The following STARD10 variants were observed in gnomAD, a reference collection of about 807,000 sequenced individuals.
STARD10 encodes START domain-containing protein 10.
A neutral mutation model predicts 36.0 loss-of-function variants in STARD10; 24 were observed. The observed-to-expected ratio is 0.67, with a 90% CI of 0.48 to 0.94. The LOEUF (loss-of-function observed/expected upper bound fraction) is 0.94, where lower values mean the gene tolerates loss of function less well. Among genes scored for constraint, STARD10 ranks in the 40% least tolerant of loss-of-function variants. The pLI is 0.00. For synonymous variants in STARD10, 156 were observed against 161.9 expected (o/e 0.96, Z 0.28); for missense variants, 335 against 396.6 (o/e 0.84, Z 1.32).
intron 4 of STARD10, 23 bp from the exon 5 acceptor site, chr11:72,757,907 G>T: frequency 6.2e-7 from 1 of 1,606,020 alleles, no homozygotes; most frequent in Non-Finnish European, 8.5e-7. Flanking sequence ...GGCACAGGGA[G>T]GTGAGACTCG....
At chr11:72,756,468 G>T (rs553039849) in intron 5 of STARD10, among the ~76,000 whole-genome samples, 15 of 152,108 alleles carry the variant, frequency 9.9e-5, no homozygotes, top group Admixed American at 9.8e-4. Context: ...ACTCACTGGG[G>T]GCCCAACAGG....
chr11:72,760,248 C>T (rs553578224), intron 2 of STARD10, among the ~76,000 whole-genome samples: 14 of 141,326 alleles, frequency 9.9e-5, no homozygotes, highest in Admixed American at 2.1e-4. Context: ...TTTATTGAGA[C>T]GGAGTTTTGC....
At chr11:72,780,805 T>C in intron 2 of STARD10, 170 bp downstream of exon 2, 1 of 691,280 alleles carries the variant, frequency 1.4e-6, no homozygotes, top group Non-Finnish European at 2.5e-6. Flanking sequence ...GGCCCATCTG[T>C]GTGATGGGGC....
At chr11:72,767,892 T>C (rs673377) in intron 2 of STARD10, among the ~76,000 whole-genome samples, 31,675 of 152,100 alleles carry the variant, frequency 0.21, 5,906 homozygotes, top group African/African-American at 0.5. Flanking sequence ...TTAGATGAGA[T>C]TGGTCCCTAA....
chr11:72,763,635 CAGAG>C (rs1344730152), intron 2 of STARD10, among the ~76,000 whole-genome samples: 4 of 152,060 alleles, frequency 2.6e-5, no homozygotes, highest in South Asian at 2.1e-4. Context: ...ATGACAGTCA[CAGAG>C]AGAACTACAT....
chr11:72,773,728 C>A (rs1051262545), intron 2 of STARD10, among the ~76,000 whole-genome samples: 1 of 152,320 alleles, frequency 6.6e-6, no homozygotes, highest in South Asian at 2.1e-4. Flanking sequence ...GCTCCACACA[C>A]GAAGGCCCCA....
intron 1 of STARD10, chr11:72,783,404 G>A (rs1396893189): frequency 1.3e-5 from 2 of 152,190 alleles, no homozygotes; most frequent in African/African-American, 4.8e-5. Context: ...CCTGAAAAGT[G>A]TCTGGGAATG....
chr11:72,759,679 C>G (rs898259200), intron 2 of STARD10, among the ~76,000 whole-genome samples: 3 of 152,168 alleles, frequency 2.0e-5, no homozygotes, highest in African/African-American at 7.2e-5. Flanking sequence ...CAATGCATCT[C>G]TATGTCTGTG....
chr11:72,775,431 C>T (rs776829299), intron 2 of STARD10, among the ~76,000 whole-genome samples: 24 of 152,112 alleles, frequency 1.6e-4, no homozygotes, highest in Non-Finnish European at 3.1e-4. Flanking sequence ...CCTCCAGCCC[C>T]CTGAGTTCTG....
intron 2 of STARD10, among the ~76,000 whole-genome samples, chr11:72,764,438 G>C (rs199876441): frequency 6.6e-6 from 1 of 152,264 alleles, no homozygotes; most frequent in South Asian, 2.1e-4. Flanking sequence ...CAGGCTAGTG[G>C]CAGACTCTTG....
At chr11:72,780,321 A>G (rs558600134) in intron 2 of STARD10, 1 of 395,976 alleles carries the variant, frequency 2.5e-6, no homozygotes, top group African/African-American at 2.1e-5. Flanking sequence ...ACTGCTCCCT[A>G]TGTTGGCTTC....
chr11:72,767,524 A>G (rs754131790), intron 2 of STARD10, among the ~76,000 whole-genome samples: 2 of 152,166 alleles, frequency 1.3e-5, no homozygotes, highest in Non-Finnish European at 2.9e-5. Context: ...ACCTTCACCA[A>G]GGGGCAGGAC....
In STARD10 at chr11:72,755,129, ATCT is replaced by A; in HGVS notation, c.641_643del (p.Lys214del). On this transcript the variant is annotated inframe_deletion, in exon 7 of 7. Transcript: ENST00000334805. ...GGGGTACTTGAGGCACGCCTTGTAC[ATCT>A]TCTTCATGGCCTGTGGGCCCGCCGC... 1.2e-6 allele frequency: 2 copies of A among 1,612,496 alleles called. No individual in the cohort carries two copies. The highest frequency in any genetic ancestry group is 1.7e-6 in the Non-Finnish European group (2 of 1,179,398).
intron 2 of STARD10, among the ~76,000 whole-genome samples, chr11:72,761,917 C>CTTTTTTTT (rs1189000490): frequency 6.1e-4 from 23 of 37,478 alleles, no homozygotes; most frequent in African/African-American, 9.8e-4. Flanking sequence ...CTTTTCTTTT[C>CTTTTTTTT]TTTTTTTTTT....
chr11:72,782,760 G>A (rs572332798), intron 1 of STARD10, among the ~76,000 whole-genome samples: 6 of 152,290 alleles, frequency 3.9e-5, no homozygotes, highest in Admixed American at 2.0e-4. Context: ...CCTAGTGCCA[G>A]CTCTTCCTCC....
Position 72,754,887 on chromosome 11 carries a change from G to C in STARD10, c.*10C>G, listed in dbSNP as rs1322344310. 1.3e-6 allele frequency: 2 copies of C among 1,593,702 alleles called. No individual in the cohort carries two copies. The highest frequency in any genetic ancestry group is 1.7e-6 in the Non-Finnish European group (2 of 1,175,978). On this transcript the variant is annotated 3_prime_UTR_variant, in exon 7 of 7. Transcript: ENST00000334805. Reference sequence around the variant, plus strand: ...CCGGTCCTGTCTCCGTCCCTGAAGCGGTGCGGCGCTCAGGTGAGCGAGGTG... The same window carrying C: ...CCGGTCCTGTCTCCGTCCCTGAAGCCGTGCGGCGCTCAGGTGAGCGAGGTG...
At chr11:72,762,753 G>T (rs1000045807) in intron 2 of STARD10, among the ~76,000 whole-genome samples, 2 of 152,154 alleles carry the variant, frequency 1.3e-5, no homozygotes, top group African/African-American at 4.8e-5. Flanking sequence ...CAGTGCAGGA[G>T]GTAGGGGTTT....
chr11:72,780,560 C>A, intron 2 of STARD10: 1 of 353,438 alleles, frequency 2.8e-6, no homozygotes, highest in South Asian at 2.1e-5. Context: ...GGAAGGAGAC[C>A]CAGCTCAGGC....
intron 2 of STARD10, among the ~76,000 whole-genome samples, chr11:72,770,801 A>G (rs1159708307): frequency 1.3e-5 from 2 of 152,192 alleles, no homozygotes; most frequent in Non-Finnish European, 2.9e-5. Context: ...ACCCAGATGA[A>G]AGGGAGGGGG....
Sources: allele counts gnomAD v4.1 joint callset (sites outside exome capture counted in the v4.1 genomes callset), GRCh38; gene constraint gnomAD v4.1.1; transcripts MANE v1.5; gene names NCBI Gene and HGNC (gene_info 2026-07-23, HGNC 2026-07-21).